Variants in ANKRD31 observed in about 807,000 individuals in gnomAD.
ANKRD31 encodes ankyrin repeat domain 31.
A neutral mutation model predicts 186.0 loss-of-function variants in ANKRD31; 147 were observed. That is an observed-to-expected ratio of 0.79 (90% CI 0.69 to 0.91). The LOEUF is 0.91. ANKRD31 is among the 40% of genes least tolerant of loss of function. ANKRD31 has a pLI of 0.00. For missense variants in ANKRD31, 1,986 were observed against 2,148.8 expected, an observed-to-expected ratio of 0.92 and a Z score of 1.50; for synonymous variants, 673 against 736.4, an observed-to-expected ratio of 0.91 and a Z score of 1.39.
At chr5:75,231,248 AT>A (rs534940246) in intron 1 of ANKRD31, among the ~76,000 whole-genome samples, 9,301 of 144,010 alleles carry the variant, frequency 0.065, 668 homozygotes, top group African/African-American at 0.18. Flanking sequence ...TTTTTAATTA[AT>A]TTTTTTTTTT....
intron 15 of ANKRD31, among the ~76,000 whole-genome samples, chr5:75,142,423 A>G (rs902235516): frequency 1.3e-5 from 2 of 151,868 alleles, no homozygotes; most frequent in Non-Finnish European, 2.9e-5. Flanking sequence ...GCACATATCT[A>G]TATATTATCT....
Position 75,147,500 on chromosome 5 carries a change from T to C in ANKRD31, c.1911A>G (p.Pro637=). 1.4e-6 allele frequency: 2 copies of C among 1,439,988 alleles called. No individual in the cohort carries two copies. The highest frequency in any genetic ancestry group is 2.5e-5 in the East Asian group (1 of 39,992). The allele number at this position is 1,439,988 out of a possible 1,614,324, so 89.2% of individuals were successfully genotyped here. A position where few individuals can be genotyped will look rare whatever the true frequency, so the allele number is the denominator to read the frequency against. ...AAATGTGACTTTTAGAACTGAACTT[T>C]GGTTTCTATAGAAAAAAAATACATA... ...DIEDVYQHKK[P]KFSSKSHIWH... Residue 637 remains proline (P), a synonymous_variant, in exon 14 of 26, where the codon CCA becomes CCG. Coordinates refer to ENST00000506364, the MANE Select transcript of ANKRD31 (RefSeq NM_001372053.1).
intron 15 of ANKRD31, among the ~76,000 whole-genome samples, chr5:75,139,713 C>T (rs1239825775): frequency 6.6e-6 from 1 of 152,068 alleles, no homozygotes; most frequent in Non-Finnish European, 1.5e-5. Context: ...GGGGAATGCT[C>T]CAACACAAGT....
chr5:75,071,453 C>T lies in ANKRD31; in HGVS notation c.5648-2789G>A, dbSNP rs1744216339. Among the ~76,000 whole-genome samples, 3 of 151,038 alleles carry T rather than the reference C, an allele frequency of 2.0e-5. No homozygotes were observed. In the South Asian group the frequency reaches 6.3e-4, roughly 32 times the overall value. ...AGCAAAATCAACAAGATCATAATGC[C>T]TAATTCAAGCACAGTTTAACTGACA... On this transcript the variant is annotated intron_variant, in intron 25 of 25. Coordinates refer to ENST00000506364, the MANE Select transcript of ANKRD31 (RefSeq NM_001372053.1).
chr5:75,193,154 G>A (rs776800018), intron 8 of ANKRD31, among the ~76,000 whole-genome samples, 157 bp downstream of exon 8: 10 of 152,036 alleles, frequency 6.6e-5, no homozygotes, highest in African/African-American at 1.5e-4. Flanking sequence ...CTGTGGTATG[G>A]CACTGATCAA....
intron 22 of ANKRD31, among the ~76,000 whole-genome samples, chr5:75,093,270 C>T (rs1486906023): frequency 4.6e-5 from 7 of 152,040 alleles, no homozygotes; most frequent in African/African-American, 1.4e-4. Flanking sequence ...CACCTAAGGT[C>T]GGGAGTTTGA....
chr5:75,102,934 C>T (rs902278184), intron 22 of ANKRD31, among the ~76,000 whole-genome samples: 9 of 152,194 alleles, frequency 5.9e-5, no homozygotes, highest in African/African-American at 2.2e-4. Flanking sequence ...GCTGCACGCA[C>T]TGTCCGATAA....
At chr5:75,117,580 T>C (rs1561439130) in intron 18 of ANKRD31, among the ~76,000 whole-genome samples, 1 of 152,152 alleles carries the variant, frequency 6.6e-6, no homozygotes, top group Non-Finnish European at 1.5e-5. Context: ...TTCTCCCTCA[T>C]GGTGAGAATA....
chr5:75,210,978 T>C (rs890358237), intron 3 of ANKRD31, 113 bp from the exon 4 acceptor site: 13 of 699,268 alleles, frequency 1.9e-5, no homozygotes, highest in East Asian at 1.8e-4. Context: ...AGCTTCTTTT[T>C]ATGGTGGTAA....
intron 2 of ANKRD31, among the ~76,000 whole-genome samples, chr5:75,224,194 A>C (rs944823332): frequency 7.2e-6 from 1 of 138,864 alleles, no homozygotes; most frequent in Non-Finnish European, 1.6e-5. Context: ...CATTTCTTCC[A>C]TTAGAATTCC....
At chr5:75,197,601 G>A (rs577226099) in intron 6 of ANKRD31, among the ~76,000 whole-genome samples, 13 of 152,212 alleles carry the variant, frequency 8.5e-5, no homozygotes, top group Non-Finnish European at 1.3e-4. Context: ...TTCTCAGAAA[G>A]ATAAAAGGAA....
At chr5:75,189,460 C>T (rs1754958690) in intron 9 of ANKRD31, among the ~76,000 whole-genome samples, 1 of 152,138 alleles carries the variant, frequency 6.6e-6, no homozygotes, top group African/African-American at 2.4e-5. Context: ...ACTGCAGCAG[C>T]TTTCTTAATG....
chr5:75,218,769 T>G (rs561354648), intron 3 of ANKRD31, among the ~76,000 whole-genome samples: 1 of 152,210 alleles, frequency 6.6e-6, no homozygotes, highest in Non-Finnish European at 1.5e-5. Flanking sequence ...CAAGCAGGCC[T>G]TATCTCTGGA....
intron 11 of ANKRD31, among the ~76,000 whole-genome samples, chr5:75,160,136 A>G (rs1288992709): frequency 6.6e-6 from 1 of 152,102 alleles, no homozygotes; most frequent in Non-Finnish European, 1.5e-5. Context: ...ATATAAAGTA[A>G]TATTTGTAAC....
chr5:75,193,625 C>T (rs1218211727), intron 7 of ANKRD31, 34 bp from the exon 8 acceptor site: 1 of 1,489,520 alleles, frequency 6.7e-7, no homozygotes, highest in Non-Finnish European at 8.9e-7. Context: ...CAAAAAATTA[C>T]AACACTGCAA....
Position 75,147,430 on chromosome 5 carries a change from C to T in ANKRD31, c.1981G>A (p.Val661Ile). The change falls in exon 14 of 26, where the codon GTA becomes ATA. Residue 661 changes from valine to isoleucine, a missense_variant. Val to Ile is a conservative substitution (Grantham distance 29). Coordinates refer to ENST00000506364, the MANE Select transcript of ANKRD31 (RefSeq NM_001372053.1). ...ENSNRQKLEHVKVNKGSKASL... is the reference protein window; with the variant it reads ...ENSNRQKLEHIKVNKGSKASL... Reference sequence around the variant, plus strand: ...GCTTTGCTTCCTTTATTGACTTTTACATGTTCCAGCTTCTGTCTGTTGGAA... The same window carrying T: ...GCTTTGCTTCCTTTATTGACTTTTATATGTTCCAGCTTCTGTCTGTTGGAA... 1 of 1,516,474 alleles carries T rather than the reference C, an allele frequency of 6.6e-7. No individual in the cohort carries two copies. Among genetic ancestry groups the T allele is most frequent in the Non-Finnish European group, 8.8e-7 (1 of 1,139,552 alleles). 93.9% of individuals were successfully genotyped at this position (1,516,474 alleles called of 1,614,324 possible). A position where few individuals can be genotyped will look rare whatever the true frequency, so the allele number is the denominator to read the frequency against.
chr5:75,155,857 C>T (rs938487404), intron 11 of ANKRD31, among the ~76,000 whole-genome samples: 1 of 151,990 alleles, frequency 6.6e-6, no homozygotes, highest in South Asian at 2.1e-4. Flanking sequence ...ACAGCAGGTA[C>T]ACTTTCCTCA....
At chr5:75,207,959 A>T (rs997959754) in intron 4 of ANKRD31, among the ~76,000 whole-genome samples, 1 of 152,120 alleles carries the variant, frequency 6.6e-6, no homozygotes, top group Non-Finnish European at 1.5e-5. Flanking sequence ...ATATCTACAT[A>T]TTAGAAACTA....
chr5:75,096,654 A>G (rs181297434), intron 22 of ANKRD31, among the ~76,000 whole-genome samples: 156 of 151,114 alleles, frequency 1.0e-3, no homozygotes, highest in African/African-American at 3.8e-3. Context: ...TCTTTAATCC[A>G]CCTTTAAAAA....
Sources: allele counts gnomAD v4.1 joint callset (sites outside exome capture counted in the v4.1 genomes callset), GRCh38; gene constraint gnomAD v4.1.1; transcripts MANE v1.5; gene names NCBI Gene and HGNC (gene_info 2026-07-23, HGNC 2026-07-21).